Variants in NRAP observed in about 807,000 individuals in gnomAD.
The protein encoded by NRAP is nebulin related anchoring protein.
In NRAP, 189 loss-of-function variants were observed where a neutral mutation model predicts 225.9. The ratio of observed to expected loss-of-function variants is 0.84; its 90% confidence interval spans 0.74 to 0.94. The LOEUF (loss-of-function observed/expected upper bound fraction) is 0.94, where lower values mean the gene tolerates loss of function less well. Among genes scored for constraint, NRAP ranks in the 40% least tolerant of loss-of-function variants. NRAP has a pLI of 0.00. For missense variants in NRAP, 2,176 were observed against 2,168.7 expected (o/e 1.00, Z -0.07); for synonymous variants, 769 against 790.7 (o/e 0.97, Z 0.46).
chr10:113,632,268 G>A (rs1848621459), intron 16 of NRAP, among the ~76,000 whole-genome samples: 1 of 152,164 alleles, frequency 6.6e-6, no homozygotes. Context: ...TATTTGCAAA[G>A]AGTGTATCAT....
At position 113,622,703 on chromosome 10, in the gene NRAP, C is replaced by G. The variant is rs148469150; in HGVS notation, c.2458-523G>C. Among the ~76,000 whole-genome samples, 451 of 152,328 alleles carry G rather than the reference C, an allele frequency of 3.0e-3. 1 individual carries two copies. Among genetic ancestry groups the G allele is most frequent in the Non-Finnish European group, 5.4e-3 (365 of 68,018 alleles). On this transcript the variant is annotated intron_variant, in intron 23 of 41. Coordinates refer to ENST00000359988, the MANE Select transcript of NRAP (RefSeq NM_198060.4). ...CAGTGGTAGATTCCGGTTCTACTCT[C>G]AGCTCTGACAACAACAACAGTATCA...
chr10:113,633,992 C>CT (rs1848715663), intron 15 of NRAP, 120 bp downstream of exon 15: 2 of 699,884 alleles, frequency 2.9e-6, no homozygotes. Context: ...CATTTTCTGG[C>CT]TGTAATAAGA....
intron 5 of NRAP, among the ~76,000 whole-genome samples, 170 bp downstream of exon 5, chr10:113,653,851 A>G (rs942480993): frequency 7.2e-5 from 11 of 152,134 alleles, no homozygotes; most frequent in Non-Finnish European, 1.6e-4. Context: ...CTGTCACCAT[A>G]TCACCTTTCC....
At chr10:113,631,738 G>A in intron 17 of NRAP, 119 bp downstream of exon 17, 1 of 887,840 alleles carries the variant, frequency 1.1e-6, no homozygotes, top group African/African-American at 1.7e-5. Flanking sequence ...AAATCCAGAA[G>A]AAGATTAAAG....
chr10:113,626,044 C>T lies in NRAP; in HGVS notation c.2244+3G>A, dbSNP rs1320210582. 2 of 1,605,316 alleles carry T rather than the reference C, an allele frequency of 1.2e-6. No individual in the cohort carries two copies. Among genetic ancestry groups the T allele is most frequent in the Non-Finnish European group, 1.7e-6 (2 of 1,175,658 alleles). Reference sequence around the variant, plus strand: ...GGTGGAGAAAGGGCAGCCCAGGACTCACCCCGCTCTGTAGCTCCTGGCTCT... The same window carrying T: ...GGTGGAGAAAGGGCAGCCCAGGACTTACCCCGCTCTGTAGCTCCTGGCTCT... On this transcript the variant is annotated splice_donor_region_variant and intron_variant, in intron 21 of 41. Coordinates refer to ENST00000359988, the MANE Select transcript of NRAP (RefSeq NM_198060.4).
intron 30 of NRAP, 85 bp from the exon 31 acceptor site, chr10:113,610,648 C>T (rs1847272704): frequency 5.4e-6 from 4 of 744,426 alleles, no homozygotes; most frequent in Non-Finnish European, 7.1e-6. Context: ...TCTCATGACA[C>T]AGCATCTGAC....
chr10:113,624,567 G>A (rs983981349), intron 22 of NRAP, among the ~76,000 whole-genome samples: 3 of 152,126 alleles, frequency 2.0e-5, no homozygotes, highest in Admixed American at 6.5e-5. Flanking sequence ...CTGGCACCTA[G>A]AATAACCCCT....
intron 34 of NRAP, among the ~76,000 whole-genome samples, 173 bp downstream of exon 34, chr10:113,605,589 C>G (rs546033848): frequency 1.3e-5 from 2 of 152,208 alleles, no homozygotes; most frequent in African/African-American, 2.4e-5. Context: ...ATTAATAGAG[C>G]CTTTCTTTTC....
chr10:113,627,334 T>C (rs1848342122), intron 20 of NRAP, among the ~76,000 whole-genome samples: 1 of 152,120 alleles, frequency 6.6e-6, no homozygotes, highest in African/African-American at 2.4e-5. Flanking sequence ...AAGAAACTAC[T>C]CCGTACAGAG....
At position 113,592,272 on chromosome 10, in the gene NRAP, G is replaced by A; in HGVS notation, c.4566C>T (p.Thr1522=). ...DKVYRNSWEQ[T]RAGSYDFRLD... is the part of the protein sequence containing the mutation. ...GCCTGAAGTCATAACTGCCAGCCCG[G>A]GTCTGCTCCCAGGAGTTTCTGTAGA... The change falls in exon 39 of 42, where the codon ACC becomes ACT. Residue 1522 remains threonine, a synonymous_variant. Coordinates refer to ENST00000359988, the MANE Select transcript of NRAP (RefSeq NM_198060.4). 1.2e-6 allele frequency: 2 copies of A among 1,612,268 alleles called. No homozygotes were observed. Among genetic ancestry groups the A allele is most frequent in the Non-Finnish European group, 1.7e-6 (2 of 1,178,988 alleles).
chr10:113,645,955 C>T lies in NRAP; in HGVS notation c.994-14G>A. The stretch of plus-strand genomic sequence containing the variant: ...CCTGTATTTTATCTGAAAAAAAAAA[C>T]ACAAAACGGGGCTGGAGTTGATGTT... On this transcript the variant is annotated splice_polypyrimidine_tract_variant and intron_variant, in intron 10 of 41. Coordinates refer to ENST00000359988, the MANE Select transcript of NRAP (RefSeq NM_198060.4). 8.4e-7 allele frequency: 1 copy of T among 1,187,978 alleles called. No individual in the cohort carries two copies. Among genetic ancestry groups the T allele is most frequent in the Non-Finnish European group, 1.2e-6 (1 of 837,932 alleles). The allele number at this position is 1,187,978 out of a possible 1,614,324, so 73.6% of individuals were successfully genotyped here. A position where few individuals can be genotyped will look rare whatever the true frequency, so the allele number is the denominator to read the frequency against.
At chr10:113,599,266 C>T (rs998594392) in intron 35 of NRAP, among the ~76,000 whole-genome samples, 5 of 152,150 alleles carry the variant, frequency 3.3e-5, no homozygotes, top group African/African-American at 1.2e-4. Context: ...GGTTAATGCC[C>T]CTGTGCAAAT....
intron 4 of NRAP, among the ~76,000 whole-genome samples, chr10:113,657,040 G>T (rs1003786859): frequency 1.3e-5 from 2 of 152,178 alleles, no homozygotes; most frequent in Non-Finnish European, 2.9e-5. Flanking sequence ...CACCTAGGAA[G>T]CTGGGAGCCT....
In NRAP at chr10:113,624,881, C is replaced by A; in HGVS notation, c.2294G>T (p.Ser765Ile). ...CTGCAGGAAGAGAGGCTCGTCTTTG[C>A]TGATGGTATACTGATGGACAGACTG... The part of the protein sequence containing the change: ...NEQSVHQYTI[S>I]KDEPLFLQAR... Residue 765 changes from serine to isoleucine, a missense_variant, in exon 22 of 42, where the codon AGC becomes ATC. Physicochemically the swap from Ser to Ile is moderately radical, Grantham distance 142 (BLOSUM62 -2). This residue lies in a region of NRAP where 1,708 missense variants were observed against 1,695.5 expected (regional missense o/e 1.01). Transcript: ENST00000359988. 1.9e-6 allele frequency: 3 copies of A among 1,614,056 alleles called. No homozygotes were observed. Among genetic ancestry groups the A allele is most frequent in the Non-Finnish European group, 8.5e-7 (1 of 1,179,972 alleles).
intron 32 of NRAP, 109 bp downstream of exon 32, chr10:113,608,305 C>A (rs755087885): frequency 1.5e-6 from 1 of 674,966 alleles, no homozygotes; most frequent in Non-Finnish European, 2.6e-6. Context: ...TCTTTCCAAA[C>A]CTCCACATAA....
chr10:113,642,076 C>T (rs144287653), intron 12 of NRAP, among the ~76,000 whole-genome samples: 521 of 152,114 alleles, frequency 3.4e-3, no homozygotes, highest in Non-Finnish European at 5.1e-3. Context: ...AATCACCTAA[C>T]CTGGGAGGCC....
intron 35 of NRAP, among the ~76,000 whole-genome samples, chr10:113,602,282 C>T (rs908452846): frequency 1.3e-5 from 2 of 152,174 alleles, no homozygotes; most frequent in African/African-American, 2.4e-5. Context: ...CTCTGACTTC[C>T]AGCTCCACCT....
At chr10:113,652,738 A>G (rs1325275590) in intron 6 of NRAP, among the ~76,000 whole-genome samples, 197 bp downstream of exon 6, 2 of 152,210 alleles carry the variant, frequency 1.3e-5, no homozygotes, top group African/African-American at 2.4e-5. Flanking sequence ...TCTTCTCTGT[A>G]TTTTATAGAC....
intron 23 of NRAP, 61 bp downstream of exon 23, chr10:113,623,468 T>C (rs769810671): frequency 9.5e-6 from 10 of 1,051,968 alleles, no homozygotes; most frequent in Admixed American, 1.9e-5. Context: ...ACTCAGAGAA[T>C]CTCCCCGGTA....
Sources: allele counts gnomAD v4.1 joint callset (sites outside exome capture counted in the v4.1 genomes callset), GRCh38; gene constraint gnomAD v4.1.1; regional missense constraint gnomAD v4.1.1; transcripts MANE v1.5; gene names NCBI Gene and HGNC (gene_info 2026-07-23, HGNC 2026-07-21).